The following HPS1 variants were observed in gnomAD, a reference collection of about 807,000 sequenced individuals.
The protein encoded by HPS1 is BLOC-3 complex member HPS1.
Under a neutral mutation model 90.6 loss-of-function variants are expected in HPS1, and 59 were observed. The observed-to-expected ratio is 0.65, with a 90% CI of 0.53 to 0.81. The LOEUF (loss-of-function observed/expected upper bound fraction) is 0.81. Ranked by LOEUF, HPS1 falls within the 30% of genes least tolerant of loss-of-function variation. The pLI, the probability that HPS1 is intolerant of heterozygous loss-of-function variation, is 0.00. For synonymous variants in HPS1, 388 were observed against 384.4 expected, an observed-to-expected ratio of 1.01 and a Z score of -0.11; for missense variants, 849 against 896.7, an observed-to-expected ratio of 0.95 and a Z score of 0.68.
intron 3 of HPS1, among the ~76,000 whole-genome samples, chr10:98,441,881 G>A (rs1434541531): frequency 6.6e-6 from 1 of 152,056 alleles, no homozygotes; most frequent in Non-Finnish European, 1.5e-5. Flanking sequence ...CACTACAGGT[G>A]GAATCAAAAA....
chr10:98,423,545 T>C, intron 16 of HPS1, 58 bp downstream of exon 16: 1 of 1,503,462 alleles, frequency 6.7e-7, no homozygotes, highest in Non-Finnish European at 9.3e-7. Flanking sequence ...GGAGCAGGTG[T>C]AGAGGCAGCA....
intron 11 of HPS1, among the ~76,000 whole-genome samples, chr10:98,426,826 A>T (rs1845670299): frequency 6.6e-6 from 1 of 152,008 alleles, no homozygotes; most frequent in African/African-American, 2.4e-5. Flanking sequence ...CAAGATGTTA[A>T]TCTCATTTTG....
At chr10:98,418,393 C>A in intron 18 of HPS1, 136 bp from the exon 19 acceptor site, 1 of 509,072 alleles carries the variant, frequency 2.0e-6, no homozygotes, top group Non-Finnish European at 3.6e-6. Flanking sequence ...CTTGTTTTTT[C>A]ATCTTTGAAG....
intron 11 of HPS1, 131 bp downstream of exon 11, chr10:98,427,084 C>T: frequency 1.4e-6 from 1 of 738,998 alleles, no homozygotes. Context: ...CTGCACTGAC[C>T]AGCCCTGGGG....
In HPS1 at chr10:98,422,454, T is replaced by C. The variant is rs1369930027; in HGVS notation, c.1658A>G (p.Gln553Arg). ...GCAGTTGAGGGAAGGCGCCACCATC[T>C]GCCCAGTGGTGCGGTCCACATAGAT... Reference protein sequence around the residue: ...HFIYVDRTTGQMVAPSLNCSQ... With the variant: ...HFIYVDRTTGRMVAPSLNCSQ... Residue 553 changes from glutamine to arginine, a missense_variant, in exon 17 of 20, where the codon CAG becomes CGG. By Grantham distance (43) the Gln-to-Arg change is conservative. Transcript: ENST00000361490. The C allele has an allele frequency of 1.2e-6, 2 of 1,613,808 alleles. No individual in the cohort carries two copies. Among genetic ancestry groups the C allele is most frequent in the African/African-American group, 2.7e-5 (2 of 74,926 alleles).
Position 98,419,874 on chromosome 10 carries a change from G to A in HPS1, c.1857+171C>T, listed in dbSNP as rs556104626. 1.1e-3 allele frequency among the ~76,000 whole-genome samples: 167 copies of A among 152,344 alleles called. 1 individual carries two copies. Among genetic ancestry groups the A allele is most frequent in the Middle Eastern group, 3.4e-3 (1 of 294 alleles). On this transcript the variant is annotated intron_variant, in intron 18 of 19. Coordinates refer to ENST00000361490, the MANE Select transcript of HPS1 (RefSeq NM_000195.5). The stretch of plus-strand genomic sequence containing the variant: ...CAGAGGGATCACAAAGCAGTTAAAC[G>A]CCCATGTGAAAATGTGACCTCTGAA...
chr10:98,417,372 AT>A lies in HPS1; in HGVS notation c.*191del. The A allele has an allele frequency of 5.3e-6, 3 of 563,702 alleles. No individual in the cohort carries two copies. The East Asian group carries it at 8.7e-5, about 16-fold the overall frequency. The allele number at this position is 563,702 out of a possible 1,614,324, so 34.9% of individuals were successfully genotyped here. On this transcript the variant is annotated 3_prime_UTR_variant, in exon 20 of 20. Coordinates refer to ENST00000361490, the MANE Select transcript of HPS1 (RefSeq NM_000195.5). The surrounding 1 kb of genome is among the most constrained non-coding windows in gnomAD (Gnocchi z 4.2). ...CTTCCCTCTTCCTCCAGAGAGAAGG[AT>A]CTGGGGCCTTGCTCAGTACCTGACA...
chr10:98,423,607 C>T lies in HPS1; in HGVS notation c.1594G>A (p.Val532Met), dbSNP rs1845193865. The T allele has an allele frequency of 6.2e-7, 1 of 1,613,898 alleles. No individual in the cohort carries two copies. The highest frequency in any genetic ancestry group is 8.5e-7 in the Non-Finnish European group (1 of 1,179,884). Residue 532 changes from valine (V) to methionine (M), a missense_variant, in exon 16 of 20, where the codon GTG (valine) becomes ATG (methionine). Physicochemically the swap from Val to Met is conservative, Grantham distance 21. Coordinates refer to ENST00000361490, the MANE Select transcript of HPS1 (RefSeq NM_000195.5). The part of the protein sequence containing the change: ...LVKSRRNITM[V>M]SYLEDFPGLV... The stretch of plus-strand genomic sequence containing the variant: ...GGGGCCCCGGCGTCAGGATATGACA[C>T]CATGGTGATGTTCCTCCTGCTCTTC...
In HPS1 at chr10:98,417,395, G is replaced by C; in HGVS notation, c.*169C>G. 1.7e-6 allele frequency: 1 copy of C among 598,000 alleles called. No homozygotes were observed. The allele number at this position is 598,000 out of a possible 1,614,324, so 37.0% of individuals were successfully genotyped here. On this transcript the variant is annotated 3_prime_UTR_variant, in exon 20 of 20. Coordinates refer to ENST00000361490, the MANE Select transcript of HPS1 (RefSeq NM_000195.5). This position sits in a 1 kb window ranked among gnomAD's most constrained non-coding sequence, Gnocchi z 4.2. ...GGATCTGGGGCCTTGCTCAGTACCT[G>C]ACATGGAGGGTGGTCTAGGTGGGGT...
At position 98,435,913 on chromosome 10, in the gene HPS1, G is replaced by A; in HGVS notation, c.118-141C>T. On this transcript the variant is annotated intron_variant, in intron 3 of 19. Coordinates refer to ENST00000361490, the MANE Select transcript of HPS1 (RefSeq NM_000195.5). The surrounding 1 kb of genome is among the most constrained non-coding windows in gnomAD (Gnocchi z 4.3). The stretch of plus-strand genomic sequence containing the variant: ...GGGTATCACTGTCCTGGTAGGGAGG[G>A]GAGCAAAAAGAGACTGTCCCCAACA... 9.6e-7 allele frequency: 1 copy of A among 1,038,130 alleles called. No individual in the cohort carries two copies. Among genetic ancestry groups the A allele is most frequent in the Non-Finnish European group, 1.4e-6 (1 of 708,824 alleles). 64.3% of individuals were successfully genotyped at this position (1,038,130 alleles called of 1,614,324 possible).
intron 6 of HPS1, among the ~76,000 whole-genome samples, chr10:98,433,407 G>C (rs1846804651): frequency 6.6e-6 from 1 of 152,124 alleles, no homozygotes; most frequent in African/African-American, 2.4e-5. Context: ...TACCTCTTTA[G>C]GAAGGCAAGG....
chr10:98,431,095 AGCC>A, intron 7 of HPS1, 33 bp downstream of exon 7: 1 of 1,610,360 alleles, frequency 6.2e-7, no homozygotes, highest in Non-Finnish European at 8.5e-7. Flanking sequence ...AAGGCCAGGG[AGCC>A]TTTAGCCACC....
chr10:98,431,458 C>T (rs995070687), intron 6 of HPS1, 167 bp from the exon 7 acceptor site: 2 of 673,904 alleles, frequency 3.0e-6, no homozygotes, highest in African/African-American at 3.6e-5. Flanking sequence ...CTTCCTGAGG[C>T]TTACTGTCTG....
chr10:98,423,532 C>T, intron 16 of HPS1, 71 bp downstream of exon 16: 1 of 1,410,864 alleles, frequency 7.1e-7, no homozygotes, highest in Non-Finnish European at 1.0e-6. Flanking sequence ...ATAGTCCCTC[C>T]AGGGAGCAGG....
chr10:98,441,667 TAAG>T (rs1017292987), intron 3 of HPS1, among the ~76,000 whole-genome samples: 12 of 152,124 alleles, frequency 7.9e-5, no homozygotes, highest in Non-Finnish European at 1.5e-4. Context: ...TCAGTAAGAA[TAAG>T]AAGAAGAAAC....
intron 3 of HPS1, chr10:98,442,535 TTG>T: frequency 6.4e-6 from 1 of 155,520 alleles, no homozygotes; most frequent in Admixed American, 6.2e-5. Context: ...TTTTTTTTTT[TTG>T]CTCTGTCGCC....
chr10:98,431,505 C>T, intron 6 of HPS1: 1 of 601,562 alleles, frequency 1.7e-6, no homozygotes, highest in Non-Finnish European at 3.0e-6. Context: ...AGGCAATACA[C>T]AAGGAAATAA....
intron 6 of HPS1, among the ~76,000 whole-genome samples, chr10:98,432,333 C>CT (rs1846593039): frequency 6.6e-6 from 1 of 152,182 alleles, no homozygotes. Flanking sequence ...CACCAGGATT[C>CT]TTTATTATAT....
chr10:98,432,728 T>C (rs753391331), intron 6 of HPS1, among the ~76,000 whole-genome samples: 6 of 152,270 alleles, frequency 3.9e-5, no homozygotes, highest in African/African-American at 7.2e-5. Context: ...CTATACCTAA[T>C]AGTTCCAATG....
Sources: allele counts gnomAD v4.1 joint callset (sites outside exome capture counted in the v4.1 genomes callset), GRCh38; gene constraint gnomAD v4.1.1; non-coding constraint Gnocchi (gnomAD v3.1); transcripts MANE v1.5; gene names NCBI Gene and HGNC (gene_info 2026-07-23, HGNC 2026-07-21).